LIPA: variants seen among roughly 807,000 people sequenced by gnomAD.
LIPA encodes lipase A, lysosomal acid type.
A neutral mutation model predicts 40.6 loss-of-function variants in LIPA; 26 were observed. The observed-to-expected ratio is 0.64, with a 90% CI of 0.47 to 0.89. LIPA has a LOEUF of 0.89. Ranked by LOEUF, LIPA falls within the 40% of genes least tolerant of loss-of-function variation. LIPA has a pLI of 0.00. For synonymous variants in LIPA, 188 were observed against 168.4 expected (o/e 1.12, Z -0.90); for missense variants, 455 against 479.6 (o/e 0.95, Z 0.48).
At chr10:89,247,839 A>G (rs2902562) in intron 1 of LIPA, 190 bp from the exon 2 acceptor site, 25 of 232,278 alleles carry the variant, frequency 1.1e-4, no homozygotes, top group Admixed American at 6.2e-5. Flanking sequence ...TTATTTATTT[A>G]TTTTTATTTT....
intron 9 of LIPA, among the ~76,000 whole-genome samples, chr10:89,215,418 T>C (rs1842612832): frequency 6.6e-6 from 1 of 152,152 alleles, no homozygotes; most frequent in African/African-American, 2.4e-5. Flanking sequence ...CTTCTTCCCT[T>C]TGGGTGTAAG....
At chr10:89,334,350 T>C (rs1342099547) in intron 1 of LIPA, among the ~76,000 whole-genome samples, 1 of 152,060 alleles carries the variant, frequency 6.6e-6, no homozygotes, top group Admixed American at 6.6e-5. Flanking sequence ...GAAATCTCTT[T>C]CTGGACCTGA....
chr10:89,359,788 C>T (rs1339993211), intron 2 of LIPA, among the ~76,000 whole-genome samples: 1 of 150,814 alleles, frequency 6.6e-6, no homozygotes, highest in Non-Finnish European at 1.5e-5. Context: ...CTGGATCTCC[C>T]TCTCTATCTA....
chr10:89,228,521 G>C, intron 3 of LIPA, 123 bp from the exon 4 acceptor site: 2 of 867,360 alleles, frequency 2.3e-6, no homozygotes, highest in South Asian at 2.9e-5. Flanking sequence ...TAAATTGAAA[G>C]ATTGACATAG....
intron 1 of LIPA, among the ~76,000 whole-genome samples, chr10:89,260,339 T>G (rs1363077261): frequency 6.6e-6 from 1 of 152,190 alleles, no homozygotes; most frequent in Non-Finnish European, 1.5e-5. Flanking sequence ...TCCTAAGGGT[T>G]GCAGATTCCG....
At chr10:89,334,391 A>G (rs773053601) in intron 1 of LIPA, among the ~76,000 whole-genome samples, 19 of 150,300 alleles carry the variant, frequency 1.3e-4, no homozygotes, top group Non-Finnish European at 2.2e-4. Context: ...GTCTTCTACT[A>G]GATGCAGATC....
chr10:89,354,992 G>T (rs1028919531), intron 2 of LIPA, among the ~76,000 whole-genome samples: 5 of 152,200 alleles, frequency 3.3e-5, no homozygotes, highest in Admixed American at 1.3e-4. Context: ...GGGGCCACAG[G>T]AGGAGGATTG....
At chr10:89,343,112 C>G (rs1194684082), upstream of LIPA, among the ~76,000 whole-genome samples, 1 of 152,148 alleles carries the variant, frequency 6.6e-6, no homozygotes, top group African/African-American at 2.4e-5. Flanking sequence ...ATGGCTGACA[C>G]TCCTATAACA....
intron 3 of LIPA, among the ~76,000 whole-genome samples, chr10:89,235,034 T>C (rs1589563803): frequency 6.6e-6 from 1 of 152,294 alleles, no homozygotes; most frequent in East Asian, 1.9e-4. Flanking sequence ...GGAAAGAAGG[T>C]TAACAAGAGA....
At chr10:89,394,082 G>T (rs942311566) in intron 2 of LIPA, among the ~76,000 whole-genome samples, 1 of 152,112 alleles carries the variant, frequency 6.6e-6, no homozygotes, top group Non-Finnish European at 1.5e-5. Flanking sequence ...GAGAAATGCA[G>T]CTGTTAGGCA....
rs960025154 is a variant in LIPA at position 89,339,368 on chromosome 10, C to T, written c.-2+3243G>A. The T allele has an allele frequency of 6.2e-6, 10 of 1,613,812 alleles. No homozygotes were observed. In the African/African-American group the frequency reaches 1.2e-4, roughly 19 times the overall value. ...GTTGAAGAAGCCTTGGAAAAGTCTC[C>T]TTGCCAAACAGATGTCCTCCGCAGT... On this transcript the variant is annotated intron_variant, in intron 1 of 5. Transcript: ENST00000282673.
At chr10:89,215,535 A>G (rs1052034910) in intron 9 of LIPA, among the ~76,000 whole-genome samples, 7 of 152,252 alleles carry the variant, frequency 4.6e-5, no homozygotes, top group Non-Finnish European at 1.0e-4. Context: ...AAAACAGAGC[A>G]AAGTGCCTCA....
chr10:89,298,710 GCACAGTGC>G (rs1843429139), intron 1 of LIPA, among the ~76,000 whole-genome samples: 5 of 152,158 alleles, frequency 3.3e-5, no homozygotes. Flanking sequence ...ATTATACTAA[GCACAGTGC>G]CTCACACCTG....
intron 1 of LIPA, among the ~76,000 whole-genome samples, chr10:89,280,278 T>G: frequency 6.6e-6 from 1 of 152,078 alleles, no homozygotes; most frequent in Middle Eastern, 3.2e-3. Flanking sequence ...TGCAAAAAAT[T>G]TAAGGGTATC....
intron 1 of LIPA, among the ~76,000 whole-genome samples, chr10:89,332,826 A>ATGGGAGC (rs944362911): frequency 6.6e-6 from 1 of 151,892 alleles, no homozygotes; most frequent in Non-Finnish European, 1.5e-5. Context: ...ACACAGGGAA[A>ATGGGAGC]TGGGAGCTGG....
intron 1 of LIPA, among the ~76,000 whole-genome samples, chr10:89,261,048 A>C (rs1361639472): frequency 1.3e-5 from 2 of 152,214 alleles, no homozygotes; most frequent in Admixed American, 1.3e-4. Context: ...TTTCCAGCCC[A>C]TAGTTGCCTT....
chr10:89,403,895 T>C, intron 2 of LIPA: 1 of 513,854 alleles, frequency 1.9e-6, no homozygotes, highest in South Asian at 3.4e-5. Flanking sequence ...TGTGTATGCA[T>C]GTAAGAAAGA....
In LIPA at chr10:89,223,031, C is replaced by A. The variant is rs548315744; in HGVS notation, c.823-449G>T. 9.9e-5 allele frequency among the ~76,000 whole-genome samples: 15 copies of A among 151,690 alleles called. 1 individual carries two copies. In the East Asian group the frequency reaches 2.9e-3, roughly 29 times the overall value. On this transcript the variant is annotated intron_variant, in intron 7 of 9. Transcript: ENST00000336233. Reference sequence around the variant, plus strand: ...TTAGAAACACGGGCATAGTATTGGCCAAGGGTTTATATTTTATAAAATAAA... The same window carrying A: ...TTAGAAACACGGGCATAGTATTGGCAAAGGGTTTATATTTTATAAAATAAA...
intron 2 of LIPA, chr10:89,378,255 G>A (rs1239846000): frequency 4.9e-6 from 5 of 1,029,634 alleles, no homozygotes; most frequent in African/African-American, 1.6e-5. Context: ...TCCCACTGGT[G>A]GTTCTGACCC....
Sources: gnomAD v4.1 joint callset for allele counts (sites outside exome capture counted in the v4.1 genomes callset) on GRCh38, gnomAD v4.1.1 for gene constraint, MANE v1.5 for transcripts, NCBI Gene and HGNC (gene_info 2026-07-23, HGNC 2026-07-21) for gene names.